ACTR3B: variants seen among roughly 807,000 people sequenced by gnomAD.
ACTR3B encodes actin-related protein 3B.
Under a neutral mutation model 59.0 loss-of-function variants are expected in ACTR3B, and 8 were observed. That is an observed-to-expected ratio of 0.14 (90% CI 0.08 to 0.24). ACTR3B has a LOEUF of 0.24. Among genes scored for constraint, ACTR3B ranks in the 10% least tolerant of loss-of-function variants. The pLI, the probability that ACTR3B is intolerant of heterozygous loss-of-function variation, is 1.00. For synonymous variants in ACTR3B, 148 were observed against 197.9 expected (o/e 0.75, Z 2.12); for missense variants, 245 against 552.3 (o/e 0.44, Z 5.58).
chr7:152,774,786 A>G (rs1397237066), intron 1 of ACTR3B, among the ~76,000 whole-genome samples: 2 of 152,232 alleles, frequency 1.3e-5, no homozygotes, highest in African/African-American at 2.4e-5. Flanking sequence ...TATAGAGACT[A>G]TGCTTTTCTA....
At chr7:152,826,950 T>C (rs1004258399) in intron 9 of ACTR3B, among the ~76,000 whole-genome samples, 1 of 152,010 alleles carries the variant, frequency 6.6e-6, no homozygotes, top group African/African-American at 2.4e-5. Flanking sequence ...CTTTGAAAAC[T>C]CATGCTTTTC....
At chr7:152,853,821 A>G (rs527414018) in intron 11 of ACTR3B, among the ~76,000 whole-genome samples, 32 of 152,014 alleles carry the variant, frequency 2.1e-4, no homozygotes, top group Admixed American at 3.9e-4. Flanking sequence ...GGTTTAAGCA[A>G]TTCTCCAGCC....
At chr7:152,765,109 CTTT>C (rs71182039) in intron 1 of ACTR3B, among the ~76,000 whole-genome samples, 2,784 of 66,108 alleles carry the variant, frequency 0.042, 52 homozygotes, top group Middle Eastern at 0.18. Flanking sequence ...TACCCTGGCC[CTTT>C]TTTTTTTTTT....
intron 6 of ACTR3B, among the ~76,000 whole-genome samples, chr7:152,817,300 G>GA (rs1795778269): frequency 6.6e-6 from 1 of 151,932 alleles, no homozygotes; most frequent in African/African-American, 2.4e-5. Flanking sequence ...AGAATCGCTT[G>GA]AACCCGGGAG....
chr7:152,845,243 T>C (rs182375295), intron 9 of ACTR3B, among the ~76,000 whole-genome samples: 1 of 152,186 alleles, frequency 6.6e-6, no homozygotes, highest in African/African-American at 2.4e-5. Flanking sequence ...GTTAGTGTTT[T>C]CATTTTTTGC....
chr7:152,763,546 C>A (rs1262001301), intron 1 of ACTR3B, among the ~76,000 whole-genome samples: 1 of 151,936 alleles, frequency 6.6e-6, no homozygotes, highest in Non-Finnish European at 1.5e-5. Flanking sequence ...GCTTCAGCCT[C>A]ATGGGTAGCT....
At chr7:152,765,889 G>A (rs1474942863) in intron 1 of ACTR3B, among the ~76,000 whole-genome samples, 4 of 152,088 alleles carry the variant, frequency 2.6e-5, no homozygotes, top group Non-Finnish European at 4.4e-5. Context: ...ATCCCATGGC[G>A]GAAGAAGGAA....
intron 9 of ACTR3B, among the ~76,000 whole-genome samples, chr7:152,844,034 G>T (rs756358344): frequency 4.3e-4 from 65 of 152,276 alleles, no homozygotes; most frequent in Non-Finnish European, 8.1e-4. Flanking sequence ...TATCACTTTT[G>T]CTGAGCTTGA....
At position 152,823,471 on chromosome 7, in the gene ACTR3B, G is replaced by A. The variant is rs1796341258; in HGVS notation, c.814G>A (p.Gly272Ser). 1 of 1,614,140 alleles carries A rather than the reference G, an allele frequency of 6.2e-7. No homozygotes were observed. Among genetic ancestry groups the A allele is most frequent in the Non-Finnish European group, 8.5e-7 (1 of 1,180,024 alleles). Residue 272 changes from glycine to serine, a missense_variant, in exon 8 of 12, where the codon GGT becomes AGT. Transcript: ENST00000256001. Reference protein sequence around the residue: ...INQKKFVIDVGYERFLGPEIF... With the variant: ...INQKKFVIDVSYERFLGPEIF... The stretch of plus-strand genomic sequence containing the variant: ...CCAGAAGAAGTTTGTTATAGACGTT[G>A]GTTACGAAAGATTCCTGGGACCTGA...
chr7:152,766,087 A>G (rs1159424437), intron 1 of ACTR3B, among the ~76,000 whole-genome samples: 3 of 152,036 alleles, frequency 2.0e-5, no homozygotes, highest in Non-Finnish European at 4.4e-5. Flanking sequence ...AGGTCTGTTC[A>G]GGGGTTCCGC....
At chr7:152,792,749 AAAAC>A (rs987312220) in intron 2 of ACTR3B, among the ~76,000 whole-genome samples, 1 of 152,124 alleles carries the variant, frequency 6.6e-6, no homozygotes, top group African/African-American at 2.4e-5. Flanking sequence ...CTCCATCTCA[AAAAC>A]AAACCAAAAA....
chr7:152,789,051 A>AGCAAC (rs754122327), intron 2 of ACTR3B, among the ~76,000 whole-genome samples: 5 of 99,410 alleles, frequency 5.0e-5, no homozygotes, highest in African/African-American at 1.6e-4. Flanking sequence ...CAACAACAAC[A>AGCAAC]AACAGCAACA....
In ACTR3B at chr7:152,789,064, A is replaced by AAACAAC. The variant is rs71182043; in HGVS notation, c.100+5837_100+5842dup. 2.0e-4 allele frequency among the ~76,000 whole-genome samples: 27 copies of AAACAAC among 137,916 alleles called. 1 individual carries two copies. Among genetic ancestry groups the AAACAAC allele is most frequent in the African/African-American group, 7.6e-4 (27 of 35,314 alleles). The allele number at this position is 137,916 out of a possible 152,430, so 90.5% of individuals were successfully genotyped here. A position where few individuals can be genotyped will look rare whatever the true frequency, so the allele number is the denominator to read the frequency against. ...AACAACAACAACAAACAGCAACAAC[A>AAACAAC]AACAACAACAACAACAACAAAGCCC... is the stretch of plus-strand genomic sequence containing the variant. On this transcript the variant is annotated intron_variant, in intron 2 of 11. Transcript: ENST00000256001.
intron 4 of ACTR3B, among the ~76,000 whole-genome samples, chr7:152,804,228 G>A (rs1332961633): frequency 2.6e-5 from 4 of 152,288 alleles, no homozygotes; most frequent in Middle Eastern, 3.4e-3. Context: ...AGCTCAGAAC[G>A]CACTCAGAGA....
chr7:152,800,687 G>T, intron 3 of ACTR3B, 32 bp downstream of exon 3: 1 of 1,609,184 alleles, frequency 6.2e-7, no homozygotes, highest in Non-Finnish European at 8.5e-7. Context: ...GCTTCTCTAA[G>T]TGTAGAGTAG....
chr7:152,837,634 A>C (rs1563147167), intron 9 of ACTR3B, among the ~76,000 whole-genome samples: 2 of 152,260 alleles, frequency 1.3e-5, no homozygotes, highest in Admixed American at 6.5e-5. Context: ...CTTGTGTTTA[A>C]TCTTCCATCA....
rs769042294 is a variant in ACTR3B, at chr7:152,823,402, C to A, written c.745C>A (p.Pro249Thr). ...VKEFAKYDVDPRKWIKQYTGI... is the reference protein window; with the variant it reads ...VKEFAKYDVDTRKWIKQYTGI... ...GGAATTTGCCAAGTATGATGTGGAT[C>A]CCCGGAAGTGGATCAAACAGTACAC... The change falls in exon 8 of 12, where the codon CCC (proline) becomes ACC (threonine). Residue 249 changes from proline (P) to threonine (T), a missense_variant. This residue lies in a region of ACTR3B where 153 missense variants were observed against 266.2 expected (regional missense o/e 0.57). Coordinates refer to ENST00000256001, the MANE Select transcript of ACTR3B (RefSeq NM_020445.6). The A allele has an allele frequency of 1.9e-6, 3 of 1,614,214 alleles. No homozygotes were observed. The highest frequency in any genetic ancestry group is 2.2e-5 in the East Asian group (1 of 44,876).
chr7:152,769,472 T>C (rs1032316811), intron 1 of ACTR3B, among the ~76,000 whole-genome samples: 1 of 152,326 alleles, frequency 6.6e-6, no homozygotes, highest in Admixed American at 6.5e-5. Context: ...CATCCTTTTA[T>C]TATTCTTTCT....
intron 6 of ACTR3B, among the ~76,000 whole-genome samples, chr7:152,817,296 G>A (rs1795777524): frequency 6.6e-6 from 1 of 152,040 alleles, no homozygotes; most frequent in African/African-American, 2.4e-5. Context: ...CAGGAGAATC[G>A]CTTGAACCCG....
Sources: allele counts gnomAD v4.1 joint callset (sites outside exome capture counted in the v4.1 genomes callset), GRCh38; gene constraint gnomAD v4.1.1; regional missense constraint gnomAD v4.1.1; transcripts MANE v1.5; gene names NCBI Gene and HGNC (gene_info 2026-07-23, HGNC 2026-07-21).